The following SHISA6 variants were observed in gnomAD, a reference collection of about 807,000 sequenced individuals.
The protein encoded by SHISA6 is protein shisa-6.
In SHISA6, 22 loss-of-function variants were observed where a neutral mutation model predicts 47.9. The ratio of observed to expected loss-of-function variants is 0.46; its 90% CI spans 0.33 to 0.66. SHISA6 has a LOEUF of 0.66. Among genes scored for constraint, SHISA6 ranks in the 30% least tolerant of loss-of-function variants. SHISA6 has a pLI of 0.02. For synonymous variants in SHISA6, 388 were observed against 337.8 expected (o/e 1.15, Z -1.63); for missense variants, 680 against 764.6 (o/e 0.89, Z 1.30).
At chr17:11,335,051 C>T (rs891734763) in intron 2 of SHISA6, among the ~76,000 whole-genome samples, 7 of 152,194 alleles carry the variant, frequency 4.6e-5, no homozygotes. Context: ...GGCACTTCAA[C>T]ATCTTTTCGT....
intron 3 of SHISA6, among the ~76,000 whole-genome samples, chr17:11,520,995 C>T (rs769039701): frequency 2.2e-4 from 34 of 152,170 alleles, no homozygotes; most frequent in Non-Finnish European, 4.1e-4. Context: ...AGAGTTTTCA[C>T]CTGGGACAAT....
At chr17:11,354,103 G>A (rs1911995682) in intron 2 of SHISA6, among the ~76,000 whole-genome samples, 1 of 152,138 alleles carries the variant, frequency 6.6e-6, no homozygotes, top group South Asian at 2.1e-4. Context: ...GCCCCTAGTT[G>A]TGACAAATGA....
In SHISA6 at chr17:11,359,380, A is replaced by G. The variant is rs542658879; in HGVS notation, c.800-20034A>G. Among the ~76,000 whole-genome samples, 6 of 152,370 alleles carry G rather than the reference A, an allele frequency of 3.9e-5. No individual in the cohort carries two copies. In the East Asian group the frequency reaches 1.2e-3, roughly 29 times the overall value. ...TGCAAACCCAGTCAAAATACTGCAG[A>G]CAAAAGGAAGCTTCTTCAACAATAC... On this transcript the variant is annotated intron_variant, in intron 2 of 5. Coordinates refer to ENST00000441885, the MANE Select transcript of SHISA6 (RefSeq NM_207386.4).
chr17:11,557,602 G>A (rs187558982), intron 5 of SHISA6, among the ~76,000 whole-genome samples, 152 bp from the exon 6 acceptor site: 9 of 152,322 alleles, frequency 5.9e-5, no homozygotes, highest in East Asian at 3.9e-4. Flanking sequence ...CCCTTCACCC[G>A]TCTGTCCTAA....
In SHISA6 at chr17:11,449,487, T is replaced by G. The variant is rs142851754; in HGVS notation, c.895+69978T>G. 8.6e-4 allele frequency among the ~76,000 whole-genome samples: 131 copies of G among 152,054 alleles called. 1 individual carries two copies. The highest frequency in any genetic ancestry group is 2.1e-3 in the Admixed American group (32 of 15,248). On this transcript the variant is annotated intron_variant, in intron 3 of 5. Coordinates refer to ENST00000441885, the MANE Select transcript of SHISA6 (RefSeq NM_207386.4). ...GAAAAAAAAGAAAAAAATTGAGGCTTGGAAGACTTAGAGAGATGAGCGAGA... is the reference window on the plus strand; with the variant it reads ...GAAAAAAAAGAAAAAAATTGAGGCTGGGAAGACTTAGAGAGATGAGCGAGA...
At chr17:11,279,645 A>C (rs1462627448) in intron 2 of SHISA6, among the ~76,000 whole-genome samples, 1 of 152,114 alleles carries the variant, frequency 6.6e-6, no homozygotes, top group Non-Finnish European at 1.5e-5. Context: ...CACTTGTTCA[A>C]GGTCAAACAG....
chr17:11,473,877 T>C (rs1597537003), intron 3 of SHISA6, among the ~76,000 whole-genome samples: 2 of 152,192 alleles, frequency 1.3e-5, no homozygotes, highest in South Asian at 4.2e-4. Flanking sequence ...CCACATACAT[T>C]AGGTATTTGT....
chr17:11,378,994 C>T (rs1490821538), intron 2 of SHISA6, among the ~76,000 whole-genome samples: 1 of 151,574 alleles, frequency 6.6e-6, no homozygotes, highest in Non-Finnish European at 1.5e-5. Flanking sequence ...TTGCGCTCAG[C>T]CAGAAATGCC....
At chr17:11,437,934 G>A (rs767662192) in intron 3 of SHISA6, among the ~76,000 whole-genome samples, 5 of 152,142 alleles carry the variant, frequency 3.3e-5, no homozygotes, top group Non-Finnish European at 7.4e-5. Flanking sequence ...TGATGATGAT[G>A]TTGGAGATAG....
In SHISA6 at chr17:11,558,121, C is replaced by T. The variant is rs1299477110; in HGVS notation, c.1473C>T (p.Arg491=). 2.1e-5 allele frequency: 32 copies of T among 1,551,280 alleles called. No individual in the cohort carries two copies. The highest frequency in any genetic ancestry group is 2.8e-5 in the Non-Finnish European group (32 of 1,147,022). ...FVSTPVLDRY[R]MSKMHSHPSA... is the part of the protein sequence containing the mutation. Reference sequence around the variant, plus strand: ...CCACACCCGTGCTGGACCGCTACCGCATGAGCAAGATGCACTCTCATCCCA... The same window carrying T: ...CCACACCCGTGCTGGACCGCTACCGTATGAGCAAGATGCACTCTCATCCCA... Residue 491 remains arginine, a synonymous_variant, in exon 6 of 6, where the codon CGC becomes CGT. Transcript: ENST00000441885.
intron 3 of SHISA6, among the ~76,000 whole-genome samples, chr17:11,490,196 A>G (rs1245887460): frequency 6.6e-6 from 1 of 152,148 alleles, no homozygotes; most frequent in Non-Finnish European, 1.5e-5. Flanking sequence ...CTGGGTAGAG[A>G]GACCTTGTAG....
chr17:11,325,524 C>G (rs770974786), intron 2 of SHISA6, among the ~76,000 whole-genome samples: 23 of 152,094 alleles, frequency 1.5e-4, no homozygotes, highest in Admixed American at 1.5e-3. Context: ...CAAATGGAAT[C>G]AAGCCCATTT....
At chr17:11,454,166 G>A (rs2969238) in intron 3 of SHISA6, among the ~76,000 whole-genome samples, 78,713 of 151,958 alleles carry the variant, frequency 0.52, 22,916 homozygotes, top group African/African-American at 0.8. Context: ...CTTTATCGCT[G>A]TCTCTTCCTA....
intron 3 of SHISA6, among the ~76,000 whole-genome samples, chr17:11,501,629 A>G (rs1432486824): frequency 6.6e-6 from 1 of 152,152 alleles, no homozygotes; most frequent in Non-Finnish European, 1.5e-5. Flanking sequence ...CAATGAGAAA[A>G]GACATGGAGC....
At chr17:11,452,681 TCC>T in intron 3 of SHISA6, among the ~76,000 whole-genome samples, 1 of 135,166 alleles carries the variant, frequency 7.4e-6, no homozygotes, top group African/African-American at 2.9e-5. Context: ...CTTCTCCTCT[TCC>T]TCTCCTCTCT....
intron 2 of SHISA6, among the ~76,000 whole-genome samples, chr17:11,346,258 T>G (rs1296938083): frequency 6.6e-6 from 1 of 152,180 alleles, no homozygotes; most frequent in Admixed American, 6.5e-5. Context: ...AAGGAAAAAT[T>G]TATTAATATG....
At chr17:11,344,314 G>A (rs1202723608) in intron 2 of SHISA6, among the ~76,000 whole-genome samples, 2 of 151,992 alleles carry the variant, frequency 1.3e-5, no homozygotes, top group African/African-American at 2.4e-5. Context: ...AAACAAAAAC[G>A]TTTAAAAATA....
At chr17:11,401,209 T>G (rs971882336) in intron 3 of SHISA6, among the ~76,000 whole-genome samples, 1 of 152,290 alleles carries the variant, frequency 6.6e-6, no homozygotes, top group Non-Finnish European at 1.5e-5. Flanking sequence ...GTGTTTTTGT[T>G]TTTTGAAATG....
At chr17:11,397,497 T>C (rs1475132846) in intron 3 of SHISA6, among the ~76,000 whole-genome samples, 1 of 151,730 alleles carries the variant, frequency 6.6e-6, no homozygotes, top group Non-Finnish European at 1.5e-5. Context: ...GAGTTTATCT[T>C]CCAACAGATT....
Sources: gnomAD v4.1 joint callset for allele counts (sites outside exome capture counted in the v4.1 genomes callset) on GRCh38, gnomAD v4.1.1 for gene constraint, MANE v1.5 for transcripts, NCBI Gene and HGNC (gene_info 2026-07-23, HGNC 2026-07-21) for gene names.